TRIM75: variants seen among roughly 807,000 people sequenced by gnomAD.
TRIM75 encodes tripartite motif containing 75, also known as tripartite motif-containing protein 75.
At chr4:165,054,266 A>AT in the TRIM75 span, among the ~76,000 whole-genome samples, 29,873 of 96,734 alleles carry the variant, frequency 0.31, 4,830 homozygotes, top group Non-Finnish European at 0.39. Context: ...TAATTTGTGT[A>AT]TTTTTTTTTT....
the TRIM75 span, chr4:165,060,259 C>T: frequency 1.3e-6 from 1 of 780,758 alleles, no homozygotes; most frequent in African/African-American, 1.7e-5. Flanking sequence ...GATTCTCTTC[C>T]CACAAAGGCG....
At chr4:165,060,261 A>G in the TRIM75 span, 2 of 780,926 alleles carry the variant, frequency 2.6e-6, no homozygotes, top group Non-Finnish European at 4.8e-6. Flanking sequence ...TTCTCTTCCC[A>G]CAAAGGCGAG....
At chr4:165,057,873 A>G in the TRIM75 span, among the ~76,000 whole-genome samples, 1 of 152,184 alleles carries the variant, frequency 6.6e-6, no homozygotes, top group Non-Finnish European at 1.5e-5. Context: ...GAATGTCTAC[A>G]TAACTGTTGC....
At chr4:165,058,114 A>G in the TRIM75 span, among the ~76,000 whole-genome samples, 1 of 152,116 alleles carries the variant, frequency 6.6e-6, no homozygotes, top group Non-Finnish European at 1.5e-5. Flanking sequence ...AGAAGCAAGG[A>G]TGTAAGAGCA....
chr4:165,060,088 A>C, the TRIM75 span: 1 of 780,794 alleles, frequency 1.3e-6, no homozygotes, highest in Non-Finnish European at 2.4e-6. Context: ...GAAGATAAAA[A>C]ACGTGTGAGA....
At chr4:165,058,733 C>T in the TRIM75 span, among the ~76,000 whole-genome samples, 1 of 151,890 alleles carries the variant, frequency 6.6e-6, no homozygotes, top group African/African-American at 2.4e-5. Context: ...TTAGGACCAC[C>T]TGAAATAAAT....
At chr4:165,055,129 T>A in the TRIM75 span, among the ~76,000 whole-genome samples, 5 of 150,712 alleles carry the variant, frequency 3.3e-5, no homozygotes, top group African/African-American at 1.2e-4. Flanking sequence ...GGAATCAAAC[T>A]CAACCATTAA....
chr4:165,060,123 C>T, the TRIM75 span: 2 of 780,766 alleles, frequency 2.6e-6, no homozygotes, highest in South Asian at 2.7e-5. Context: ...ACAAAAGGTT[C>T]CTGGTTTCCC....
the TRIM75 span, among the ~76,000 whole-genome samples, chr4:165,056,076 C>T: frequency 1.3e-5 from 2 of 151,898 alleles, no homozygotes; most frequent in Admixed American, 6.6e-5. Flanking sequence ...TTATCTACAC[C>T]CATCAACACC....
the TRIM75 span, chr4:165,060,506 A>G: frequency 1.3e-6 from 1 of 778,138 alleles, no homozygotes; most frequent in Non-Finnish European, 2.4e-6. Context: ...TCTATGTAGG[A>G]CCAGATTCAC....
the TRIM75 span, among the ~76,000 whole-genome samples, chr4:165,058,456 A>C: frequency 6.6e-6 from 1 of 152,182 alleles, no homozygotes; most frequent in Non-Finnish European, 1.5e-5. Context: ...GTCATTATTT[A>C]CCTGATTCCA....
chr4:165,059,579 C>G, the TRIM75 span: 1 of 780,910 alleles, frequency 1.3e-6, no homozygotes, highest in Non-Finnish European at 2.4e-6. Context: ...GGAAAAGATT[C>G]TGCAGTTACA....
chr4:165,059,663 G>A, the TRIM75 span: 6 of 780,886 alleles, frequency 7.7e-6, no homozygotes, highest in Non-Finnish European at 1.2e-5. Context: ...CCTTAGAACT[G>A]AGAGAGATGG....
chr4:165,057,822 C>A, the TRIM75 span, among the ~76,000 whole-genome samples: 2 of 152,206 alleles, frequency 1.3e-5, no homozygotes, highest in Non-Finnish European at 2.9e-5. Context: ...GCTGAGCCAC[C>A]AAGCTCAGCC....
chr4:165,057,727 T>A, the TRIM75 span, among the ~76,000 whole-genome samples: 2 of 152,046 alleles, frequency 1.3e-5, no homozygotes, highest in East Asian at 3.9e-4. Flanking sequence ...AGCGACAAGG[T>A]TTTGCCATGT....
chr4:165,060,449 C>T, the TRIM75 span: 7 of 780,708 alleles, frequency 9.0e-6, no homozygotes, highest in South Asian at 5.4e-5. Context: ...AGAAATCTCA[C>T]ATCTGTACTT....
chr4:165,060,534 A>G, the TRIM75 span: 1 of 762,942 alleles, frequency 1.3e-6, no homozygotes, highest in Admixed American at 1.8e-5. Context: ...CAGAATCTGT[A>G]CAGGGACAGT....
the TRIM75 span, among the ~76,000 whole-genome samples, chr4:165,056,015 AAGCGACTTTC>A: frequency 6.7e-6 from 1 of 150,192 alleles, no homozygotes; most frequent in African/African-American, 2.5e-5. Flanking sequence ...TCCTGGGTTC[AAGCGACTTTC>A]CCACCTCAGC....
the TRIM75 span, among the ~76,000 whole-genome samples, chr4:165,054,415 G>A: frequency 9.9e-5 from 15 of 151,938 alleles, no homozygotes; most frequent in Admixed American, 7.2e-4. Flanking sequence ...CTACAGGCAT[G>A]TGCCACCATG....
Sources: allele counts gnomAD v4.1 joint callset (sites outside exome capture counted in the v4.1 genomes callset), GRCh38; gene constraint gnomAD v4.1.1; transcripts MANE v1.5; gene names NCBI Gene and HGNC (gene_info 2026-07-23, HGNC 2026-07-21).